APH1B: variants seen among roughly 807,000 people sequenced by gnomAD.
APH1B encodes aph-1B gamma-secretase subunit, also known as gamma-secretase subunit APH-1B.
A neutral mutation model predicts 28.2 loss-of-function variants in APH1B; 27 were observed. The ratio of observed to expected loss-of-function variants is 0.96; its 90% CI spans 0.70 to 1.32. The LOEUF is 1.32. Among genes scored for constraint, APH1B ranks in the 40% most tolerant of loss-of-function variants. The probability of loss-of-function intolerance (pLI) is 0.00; values close to 1 mark genes in which losing one functional copy is unlikely to be tolerated. For synonymous variants in APH1B, 141 were observed against 124.6 expected (o/e 1.13, Z -0.88); for missense variants, 305 against 313.6 (o/e 0.97, Z 0.21).
In APH1B at chr15:63,279,167, C is replaced by A. The variant is rs2038358178; in HGVS notation, c.120C>A (p.Phe40Leu). The A allele has an allele frequency of 1.3e-6, 2 of 1,579,380 alleles. No individual in the cohort carries two copies. The highest frequency in any genetic ancestry group is 1.7e-6 in the Non-Finnish European group (2 of 1,157,344). ...LRIIFLIAGA[F>L]FWLVSLLISS... ...TTTTTCCCGTATTTTTCAGAGCTTT[C>A]TTCTGGTTGGTGTCTCTACTGATTT... The change falls in exon 2 of 6, where the codon TTC (phenylalanine) becomes TTA (leucine). Residue 40 changes from phenylalanine (F) to leucine (L), a missense_variant. By Grantham distance (22) the Phe-to-Leu change is conservative (BLOSUM62 0). Coordinates refer to ENST00000261879, the MANE Select transcript of APH1B (RefSeq NM_031301.4).
At chr15:63,301,149 C>T (rs2038623153) in intron 4 of APH1B, among the ~76,000 whole-genome samples, 2 of 152,336 alleles carry the variant, frequency 1.3e-5, no homozygotes, top group African/African-American at 4.8e-5. Flanking sequence ...GGAGTTCTAA[C>T]AAGTTCCCAG....
intron 4 of APH1B, among the ~76,000 whole-genome samples, chr15:63,293,905 G>A (rs538125757): frequency 6.6e-6 from 1 of 152,044 alleles, no homozygotes; most frequent in South Asian, 2.1e-4. Flanking sequence ...TGGGACCACA[G>A]GCACATGCCA....
At position 63,305,733 on chromosome 15, in the gene APH1B, G is replaced by C. The variant is rs138038001; in HGVS notation, c.726G>C (p.Leu242=). 45 of 1,614,100 alleles carry C rather than the reference G, an allele frequency of 2.8e-5. No individual in the cohort carries two copies. The highest frequency in any genetic ancestry group is 3.6e-5 in the Non-Finnish European group (43 of 1,180,056). ...GGSCRSLKLC[L]LCQDKNFLLY... Reference sequence around the variant, plus strand: ...GCTGCCGAAGCCTGAAACTCTGCCTGCTCTGCCAAGACAAGAACTTTCTTC... The same window carrying C: ...GCTGCCGAAGCCTGAAACTCTGCCTCCTCTGCCAAGACAAGAACTTTCTTC... Residue 242 remains leucine (L), a synonymous_variant, in exon 6 of 6, where the codon CTG becomes CTC. Transcript: ENST00000261879.
intron 2 of APH1B, among the ~76,000 whole-genome samples, chr15:63,281,134 TA>T (rs146537988): frequency 4.8e-5 from 7 of 146,566 alleles, no homozygotes; most frequent in Non-Finnish European, 6.0e-5. Context: ...AGACCCTGTC[TA>T]AAAAAAAAAC....
intron 4 of APH1B, among the ~76,000 whole-genome samples, chr15:63,290,640 G>T (rs1013755331): frequency 5.3e-5 from 8 of 152,214 alleles, no homozygotes; most frequent in African/African-American, 1.9e-4. Flanking sequence ...TGTAACCCAT[G>T]CTCCCAGGCC....
intron 5 of APH1B, among the ~76,000 whole-genome samples, chr15:63,303,874 A>ACACAC (rs374335586): frequency 2.7e-5 from 4 of 145,594 alleles, no homozygotes; most frequent in African/African-American, 1.0e-4. Flanking sequence ...ACACACACAC[A>ACACAC]ACACACACAC....
At chr15:63,302,520 T>TG (rs760833526) in intron 5 of APH1B, 48 bp downstream of exon 5, 2 of 1,585,582 alleles carry the variant, frequency 1.3e-6, no homozygotes, top group Non-Finnish European at 1.7e-6. Context: ...CTCAAGTCTA[T>TG]GTATCTAAAA....
intron 2 of APH1B, among the ~76,000 whole-genome samples, chr15:63,286,245 G>A (rs997388502): frequency 2.6e-5 from 4 of 152,224 alleles, no homozygotes; most frequent in Admixed American, 6.5e-5. Flanking sequence ...AATATTTGCC[G>A]AGTTCAGCAA....
intron 5 of APH1B, among the ~76,000 whole-genome samples, chr15:63,303,920 A>G (rs2038661321): frequency 1.4e-5 from 2 of 146,708 alleles, no homozygotes; most frequent in South Asian, 4.3e-4. Flanking sequence ...TCTTTTGGGT[A>G]TACGCCTAGG....
chr15:63,305,356 T>A (rs1304735621), intron 5 of APH1B, among the ~76,000 whole-genome samples: 1 of 152,208 alleles, frequency 6.6e-6, no homozygotes, highest in Non-Finnish European at 1.5e-5. Flanking sequence ...CATCTTGTAT[T>A]GTATATTCCA....
At chr15:63,299,669 G>A (rs891364921) in intron 4 of APH1B, among the ~76,000 whole-genome samples, 3 of 152,050 alleles carry the variant, frequency 2.0e-5, no homozygotes, top group Non-Finnish European at 4.4e-5. Context: ...CTCCCAAAGT[G>A]CTGGGATTAC....
chr15:63,299,291 A>T (rs1047537444), intron 4 of APH1B, among the ~76,000 whole-genome samples: 1 of 152,212 alleles, frequency 6.6e-6, no homozygotes, highest in Non-Finnish European at 1.5e-5. Flanking sequence ...AATTTGGAAG[A>T]AAGTCAGGGC....
At chr15:63,280,605 T>C (rs2038376311) in intron 2 of APH1B, among the ~76,000 whole-genome samples, 1 of 152,234 alleles carries the variant, frequency 6.6e-6, no homozygotes, top group African/African-American at 2.4e-5. Context: ...AAATTAGGAA[T>C]TGAAATCCAG....
intron 3 of APH1B, 55 bp downstream of exon 3, chr15:63,286,683 G>A (rs1260174126): frequency 6.8e-7 from 1 of 1,469,072 alleles, no homozygotes; most frequent in Non-Finnish European, 9.3e-7. Context: ...TGGCATAAAA[G>A]TCATTTGCAT....
At chr15:63,292,639 C>T (rs371165561) in intron 4 of APH1B, among the ~76,000 whole-genome samples, 4 of 152,306 alleles carry the variant, frequency 2.6e-5, no homozygotes, top group East Asian at 1.9e-4. Context: ...ATCCTCCTGC[C>T]TCAGCCTCCC....
At chr15:63,303,817 G>C (rs2038657871) in intron 5 of APH1B, among the ~76,000 whole-genome samples, 1 of 151,382 alleles carries the variant, frequency 6.6e-6, no homozygotes, top group African/African-American at 2.4e-5. Flanking sequence ...TATTGTGAAT[G>C]GTACTGCTGT....
intron 2 of APH1B, among the ~76,000 whole-genome samples, chr15:63,281,544 A>ACG (rs1213733026): frequency 2.0e-5 from 3 of 151,032 alleles, no homozygotes; most frequent in Admixed American, 2.0e-4. Context: ...GAAAAAAAAA[A>ACG]AAAAAAACAA....
Position 63,302,491 on chromosome 15 carries a change from C to T in APH1B, c.606+19C>T, listed in dbSNP as rs768044796. ...AGCCCAGGTGAGTGTTGCCGCCATG[C>T]TCAGACTGTATTCTGGAACTCAAGT... On this transcript the variant is annotated intron_variant, in intron 5 of 5. Transcript: ENST00000261879. 1.1e-5 allele frequency: 18 copies of T among 1,609,784 alleles called. No individual in the cohort carries two copies. Among genetic ancestry groups the T allele is most frequent in the Admixed American group, 1.7e-5 (1 of 59,372 alleles).
chr15:63,287,077 T>A (rs1159940328), intron 3 of APH1B: 1 of 248,460 alleles, frequency 4.0e-6, no homozygotes, highest in Admixed American at 5.1e-5. Flanking sequence ...CAATTTCAGT[T>A]CTAAGCCATC....
Sources: allele counts gnomAD v4.1 joint callset (sites outside exome capture counted in the v4.1 genomes callset), GRCh38; gene constraint gnomAD v4.1.1; transcripts MANE v1.5; gene names NCBI Gene and HGNC (gene_info 2026-07-23, HGNC 2026-07-21).